DGKB: variants seen among roughly 807,000 people sequenced by gnomAD.
The protein encoded by DGKB is diacylglycerol kinase beta.
Under a neutral mutation model 114.3 loss-of-function variants are expected in DGKB, and 67 were observed. That is an observed-to-expected ratio of 0.59 (90% confidence interval 0.48 to 0.72). The LOEUF (loss-of-function observed/expected upper bound fraction) is 0.72. Ranked by LOEUF, DGKB falls within the 30% of genes least tolerant of loss-of-function variation. DGKB has a pLI of 0.00. For synonymous variants in DGKB, 398 were observed against 323.1 expected (o/e 1.23, Z -2.49); for missense variants, 907 against 975.2 (o/e 0.93, Z 0.93).
Position 14,404,265 on chromosome 7 carries a change from C to T in DGKB, c.1836-58874G>A, listed in dbSNP as rs141510615. ...TATGTCTCGGATATCCCCATTTAAC[C>T]TCCTATTCAATTTAGATGCAATGCC... is the stretch of plus-strand genomic sequence containing the variant. On this transcript the variant is annotated intron_variant, in intron 21 of 25. Transcript: ENST00000402815. Among the ~76,000 whole-genome samples the T allele has an allele frequency of 3.4e-3, 521 of 151,388 alleles. 1 individual carries two copies. The highest frequency in any genetic ancestry group is 0.012 in the African/African-American group (487 of 41,270).
chr7:14,215,412 A>C (rs910713722), intron 23 of DGKB, among the ~76,000 whole-genome samples: 2 of 151,812 alleles, frequency 1.3e-5, no homozygotes, highest in Non-Finnish European at 2.9e-5. Flanking sequence ...AATATTATTC[A>C]TTCTTCCTCT....
At chr7:14,710,214 T>C (rs934000392) in intron 6 of DGKB, among the ~76,000 whole-genome samples, 5 of 152,120 alleles carry the variant, frequency 3.3e-5, no homozygotes, top group Non-Finnish European at 7.4e-5. Flanking sequence ...TATTGTTCTG[T>C]ATAGAGACCT....
intron 1 of DGKB, among the ~76,000 whole-genome samples, chr7:14,944,532 C>G (rs1587430689): frequency 6.6e-6 from 1 of 151,852 alleles, no homozygotes; most frequent in East Asian, 1.9e-4. Flanking sequence ...AGAAGTAAAT[C>G]ACATAATTTC....
intron 23 of DGKB, among the ~76,000 whole-genome samples, chr7:14,291,142 C>CAAAAAAA (rs373171858): frequency 1.2e-4 from 10 of 86,298 alleles, no homozygotes; most frequent in Non-Finnish European, 1.7e-4. Flanking sequence ...AACTCCGTCT[C>CAAAAAAA]AAAAAAAAAA....
chr7:14,843,585 C>T (rs183990215), intron 1 of DGKB, among the ~76,000 whole-genome samples: 20 of 152,026 alleles, frequency 1.3e-4, no homozygotes, highest in South Asian at 2.1e-4. Flanking sequence ...CCACCCGCCT[C>T]GGCCTCCCAA....
intron 12 of DGKB, among the ~76,000 whole-genome samples, chr7:14,679,116 C>T (rs768386426): frequency 6.6e-6 from 1 of 151,870 alleles, no homozygotes; most frequent in Non-Finnish European, 1.5e-5. Flanking sequence ...CTGACTCAGA[C>T]TGGACAACTA....
intron 20 of DGKB, among the ~76,000 whole-genome samples, chr7:14,546,954 C>G (rs1449222066): frequency 1.3e-5 from 2 of 152,110 alleles, no homozygotes; most frequent in Non-Finnish European, 2.9e-5. Flanking sequence ...CCCAACTTTC[C>G]AAAACTATTC....
At chr7:14,518,143 GGGATTATGTCCTTT>G (rs1789152668) in intron 20 of DGKB, among the ~76,000 whole-genome samples, 1 of 152,094 alleles carries the variant, frequency 6.6e-6, no homozygotes, top group African/African-American at 2.4e-5. Context: ...AAAAAAGAAT[GGGATTATGTCCTTT>G]GCAGCAGCAT....
At position 14,869,383 on chromosome 7, in the gene DGKB, G is replaced by A. The variant is rs79630413; in HGVS notation, c.-187-27933C>T. Reference sequence around the variant, plus strand: ...TCCGTAATTTCTTGTATATTTTAAAGCTTAAAGGTTTTCTTTTATTTTTTC... The same window carrying A: ...TCCGTAATTTCTTGTATATTTTAAAACTTAAAGGTTTTCTTTTATTTTTTC... On this transcript the variant is annotated intron_variant, in intron 1 of 25. Transcript: ENST00000402815. Among the ~76,000 whole-genome samples, 64 of 152,090 alleles carry A rather than the reference G, an allele frequency of 4.2e-4. No homozygotes were observed. The East Asian group carries it at 0.012, about 28-fold the overall frequency.
At chr7:14,328,966 T>G (rs1809240516) in intron 23 of DGKB, among the ~76,000 whole-genome samples, 1 of 151,980 alleles carries the variant, frequency 6.6e-6, no homozygotes, top group Non-Finnish European at 1.5e-5. Flanking sequence ...CTATTTTCAT[T>G]AAGCCAGGAG....
intron 2 of DGKB, among the ~76,000 whole-genome samples, chr7:14,801,286 A>T (rs2128049357): frequency 6.6e-6 from 1 of 152,268 alleles, no homozygotes; most frequent in Admixed American, 6.5e-5. Flanking sequence ...GTTAGGCAGA[A>T]TTATGATCTT....
chr7:14,538,896 T>C (rs979184016), intron 20 of DGKB, among the ~76,000 whole-genome samples: 3 of 152,130 alleles, frequency 2.0e-5, no homozygotes, highest in Non-Finnish European at 4.4e-5. Context: ...AAACACTGCA[T>C]GATTCCTCTT....
chr7:14,311,983 C>T (rs779225374), intron 23 of DGKB, among the ~76,000 whole-genome samples: 1 of 148,606 alleles, frequency 6.7e-6, no homozygotes, highest in Non-Finnish European at 1.5e-5. Flanking sequence ...GACAGTAACA[C>T]CAATTGCTGT....
intron 1 of DGKB, among the ~76,000 whole-genome samples, chr7:14,920,720 T>A (rs1468427991): frequency 6.6e-6 from 1 of 152,140 alleles, no homozygotes; most frequent in Non-Finnish European, 1.5e-5. Flanking sequence ...GCTTTATACA[T>A]AATTGCAAAA....
chr7:14,367,751 C>T (rs1440505441), intron 21 of DGKB, among the ~76,000 whole-genome samples: 5 of 151,996 alleles, frequency 3.3e-5, no homozygotes, highest in Non-Finnish European at 5.9e-5. Context: ...AACTTATAAT[C>T]ATGGTGGAAA....
At chr7:14,970,847 A>G (rs528710367) in intron 1 of DGKB, among the ~76,000 whole-genome samples, 2 of 152,230 alleles carry the variant, frequency 1.3e-5, no homozygotes, top group South Asian at 2.1e-4. Context: ...CATAGACACC[A>G]TTTCTGAACG....
intron 4 of DGKB, among the ~76,000 whole-genome samples, chr7:14,748,368 A>G (rs142093116): frequency 1.1e-3 from 161 of 152,320 alleles, no homozygotes; most frequent in African/African-American, 3.6e-3. Context: ...TTTAAATCCA[A>G]TTATCAGGAA....
intron 21 of DGKB, among the ~76,000 whole-genome samples, chr7:14,466,861 G>C (rs1584163312): frequency 1.3e-5 from 2 of 152,038 alleles, no homozygotes; most frequent in African/African-American, 4.8e-5. Flanking sequence ...TTTATATAGA[G>C]AGGCTAGATG....
chr7:14,450,090 A>G (rs997367402), intron 21 of DGKB, among the ~76,000 whole-genome samples: 2 of 152,100 alleles, frequency 1.3e-5, no homozygotes, highest in Non-Finnish European at 2.9e-5. Context: ...ATTAAAAAAA[A>G]ATAAGCTATG....
Sources: allele counts gnomAD v4.1 joint callset (sites outside exome capture counted in the v4.1 genomes callset), GRCh38; gene constraint gnomAD v4.1.1; transcripts MANE v1.5; gene names NCBI Gene and HGNC (gene_info 2026-07-23, HGNC 2026-07-21).